Variants in LRFN5 observed in about 807,000 individuals in gnomAD.
The protein encoded by LRFN5 is leucine rich repeat and fibronectin type III domain containing 5, also known as leucine-rich repeat and fibronectin type-III domain-containing protein 5.
Under a neutral mutation model 45.6 loss-of-function variants are expected in LRFN5, and 24 were observed. The ratio of observed to expected loss-of-function variants is 0.53; its 90% CI spans 0.38 to 0.74. The LOEUF (loss-of-function observed/expected upper bound fraction) is 0.74, where lower values mean the gene tolerates loss of function less well. LRFN5 is among the 30% of genes least tolerant of loss of function. LRFN5 has a pLI of 0.00. For missense variants in LRFN5, 776 were observed against 861.5 expected, an observed-to-expected ratio of 0.90 and a Z score of 1.24; for synonymous variants, 340 against 313.8, an observed-to-expected ratio of 1.08 and a Z score of -0.88.
chr14:41,858,240 C>G lies in LRFN5; in HGVS notation c.-20-28366C>G, dbSNP rs368621589. Among the ~76,000 whole-genome samples, 8 of 152,212 alleles carry G rather than the reference C, an allele frequency of 5.3e-5. No homozygotes were observed. The East Asian group carries it at 1.5e-3, about 29-fold the overall frequency. On this transcript the variant is annotated intron_variant, in intron 2 of 5. Transcript: ENST00000298119. ...AGCGTCCATGCTCACTAACCCAGGG[C>G]CTATCGTAACCCTTTACCACTCTCT...
chr14:41,697,615 T>C (rs1245803994), intron 1 of LRFN5, among the ~76,000 whole-genome samples: 3 of 151,748 alleles, frequency 2.0e-5, no homozygotes, highest in African/African-American at 7.2e-5. Context: ...AAGAGTTTTG[T>C]ATTAAACTGT....
At chr14:41,826,971 C>CAAAATAAGTAATTATTTTT (rs1888319433) in intron 2 of LRFN5, among the ~76,000 whole-genome samples, 1 of 151,302 alleles carries the variant, frequency 6.6e-6, no homozygotes, top group African/African-American at 2.4e-5. Context: ...TTTTGATTCA[C>CAAAATAAGTAATTATTTTT]ATTGAGTAAA....
chr14:41,785,919 G>A (rs1200031438), intron 2 of LRFN5, among the ~76,000 whole-genome samples: 1 of 152,132 alleles, frequency 6.6e-6, no homozygotes, highest in Non-Finnish European at 1.5e-5. Flanking sequence ...ATGATGCAGA[G>A]CAGCTGTAAA....
chr14:41,873,132 T>A (rs1281549021), intron 2 of LRFN5, among the ~76,000 whole-genome samples: 1 of 152,150 alleles, frequency 6.6e-6, no homozygotes, highest in Non-Finnish European at 1.5e-5. Context: ...AGCTGCTGCT[T>A]ATGGAGAATC....
In LRFN5 at chr14:41,711,974, A is replaced by G. The variant is rs552589666; in HGVS notation, c.-196-54880A>G. On this transcript the variant is annotated intron_variant, in intron 1 of 5. Transcript: ENST00000298119. ...TGAGGATTAGGAAAAGAGCTAAATG[A>G]CACTTCATTAAATGAAAAATAATGT... Among the ~76,000 whole-genome samples, 5 of 152,332 alleles carry G rather than the reference A, an allele frequency of 3.3e-5. No homozygotes were observed. In the South Asian group the frequency reaches 8.3e-4, roughly 25 times the overall value.
rs139401731 is a variant in LRFN5, at chr14:41,840,955, T to C, written c.-20-45651T>C. 4.3e-3 allele frequency among the ~76,000 whole-genome samples: 648 copies of C among 152,070 alleles called. 5 individuals are homozygous for C. Among genetic ancestry groups the C allele is most frequent in the African/African-American group, 0.015 (618 of 41,552 alleles). On this transcript the variant is annotated intron_variant, in intron 2 of 5. Transcript: ENST00000298119. ...GTTATACAAATGCACAGAATCAATGTATGTATTACGTATTTTAGTAGTCAG... is the reference window on the plus strand; with the variant it reads ...GTTATACAAATGCACAGAATCAATGCATGTATTACGTATTTTAGTAGTCAG...
rs1013023491 is a variant in LRFN5 at position 41,786,345 on chromosome 14, A to G, written c.-21+19316A>G. On this transcript the variant is annotated intron_variant, in intron 2 of 5. Transcript: ENST00000298119. ...GAATTTCTCAGTTTTTGTTTTTTCA[A>G]AAAGTAATTATTTTTCATATTTAGA... Among the ~76,000 whole-genome samples, 3 of 152,112 alleles carry G rather than the reference A, an allele frequency of 2.0e-5. No individual in the cohort carries two copies. The East Asian group carries it at 5.8e-4, about 29-fold the overall frequency.
chr14:41,646,201 G>A (rs893130795), intron 1 of LRFN5, among the ~76,000 whole-genome samples: 5 of 152,120 alleles, frequency 3.3e-5, no homozygotes, highest in African/African-American at 4.8e-5. Context: ...AACACTAGAA[G>A]TTATTCCTTC....
At chr14:41,717,928 T>C (rs1218042182) in intron 1 of LRFN5, among the ~76,000 whole-genome samples, 2 of 152,148 alleles carry the variant, frequency 1.3e-5, no homozygotes, top group African/African-American at 4.8e-5. Flanking sequence ...CCTACACCCA[T>C]GGGCTGGCTC....
intron 2 of LRFN5, among the ~76,000 whole-genome samples, chr14:41,790,164 C>T (rs966887801): frequency 9.2e-5 from 14 of 151,754 alleles, no homozygotes; most frequent in Non-Finnish European, 1.6e-4. Context: ...AAACTAGTTT[C>T]GAGAGACACT....
At chr14:41,851,384 T>C (rs1889262406) in intron 2 of LRFN5, among the ~76,000 whole-genome samples, 1 of 151,808 alleles carries the variant, frequency 6.6e-6, no homozygotes, top group Admixed American at 6.6e-5. Context: ...TATACTGATT[T>C]CAAAGCTAAT....
At chr14:41,878,633 A>G (rs1306326510) in intron 2 of LRFN5, among the ~76,000 whole-genome samples, 5 of 152,162 alleles carry the variant, frequency 3.3e-5, no homozygotes, top group Non-Finnish European at 5.9e-5. Context: ...ATCTAAATGC[A>G]TCACTATTTG....
At chr14:41,824,869 G>A (rs1191575021) in intron 2 of LRFN5, among the ~76,000 whole-genome samples, 2 of 151,970 alleles carry the variant, frequency 1.3e-5, no homozygotes, top group African/African-American at 2.4e-5. Flanking sequence ...TCTCTGCAAG[G>A]GGAGAGGGGA....
intron 1 of LRFN5, among the ~76,000 whole-genome samples, chr14:41,728,794 G>A (rs775869546): frequency 1.3e-5 from 2 of 152,068 alleles, no homozygotes; most frequent in African/African-American, 2.4e-5. Context: ...GAGCATTTTA[G>A]ATGAGAGACA....
intron 3 of LRFN5, among the ~76,000 whole-genome samples, chr14:41,889,873 A>C (rs560352254): frequency 6.6e-6 from 1 of 152,180 alleles, no homozygotes; most frequent in East Asian, 1.9e-4. Flanking sequence ...CTCTTTATTT[A>C]TTTATTTTGA....
chr14:41,893,944 T>C, intron 4 of LRFN5: 1 of 985,196 alleles, frequency 1.0e-6, no homozygotes, highest in South Asian at 4.7e-5. Flanking sequence ...AAAGCAGCAC[T>C]CAGAGTGAAA....
intron 2 of LRFN5, among the ~76,000 whole-genome samples, chr14:41,885,551 T>C (rs989768257): frequency 1.3e-5 from 2 of 152,130 alleles, no homozygotes; most frequent in Non-Finnish European, 2.9e-5. Context: ...TATAATATCT[T>C]GTTGAACATA....
chr14:41,658,157 G>A (rs1880466468), intron 1 of LRFN5, among the ~76,000 whole-genome samples: 2 of 151,868 alleles, frequency 1.3e-5, no homozygotes, highest in African/African-American at 4.8e-5. Flanking sequence ...AATCATTTTG[G>A]TCTCAATGGA....
chr14:41,676,913 A>G (rs1409895027), intron 1 of LRFN5, among the ~76,000 whole-genome samples: 2 of 152,224 alleles, frequency 1.3e-5, no homozygotes, highest in African/African-American at 4.8e-5. Flanking sequence ...GGGATGAAAT[A>G]TGCTACACAT....
Sources: allele counts gnomAD v4.1 joint callset (sites outside exome capture counted in the v4.1 genomes callset), GRCh38; gene constraint gnomAD v4.1.1; transcripts MANE v1.5; gene names NCBI Gene and HGNC (gene_info 2026-07-23, HGNC 2026-07-21).